Variants in KIF3B observed in about 807,000 individuals in gnomAD.
The protein encoded by KIF3B is kinesin family member 3B.
Under a neutral mutation model 74.3 loss-of-function variants are expected in KIF3B, and 38 were observed. That is an observed-to-expected ratio of 0.51 (90% confidence interval 0.39 to 0.67). The LOEUF is 0.67. Among genes scored for constraint, KIF3B ranks in the 30% least tolerant of loss-of-function variants. KIF3B has a pLI of 0.00. For missense variants in KIF3B, 649 were observed against 932.0 expected, an observed-to-expected ratio of 0.70 and a Z score of 3.95; for synonymous variants, 326 against 342.5, an observed-to-expected ratio of 0.95 and a Z score of 0.53.
At chr20:32,298,015 G>T (rs189944370) in intron 1 of KIF3B, among the ~76,000 whole-genome samples, 7 of 151,872 alleles carry the variant, frequency 4.6e-5, no homozygotes, top group Admixed American at 4.6e-4. Flanking sequence ...GAGGCTAAGC[G>T]GGGAGAATCG....
chr20:32,323,583 T>C (rs55647947), intron 5 of KIF3B, among the ~76,000 whole-genome samples: 52,123 of 151,736 alleles, frequency 0.34, 10,235 homozygotes, highest in East Asian at 0.74. Context: ...TTTTTATTTT[T>C]AAAAATATTT....
chr20:32,309,093 T>C (rs569233215), intron 1 of KIF3B, among the ~76,000 whole-genome samples: 1 of 152,040 alleles, frequency 6.6e-6, no homozygotes, highest in African/African-American at 2.4e-5. Flanking sequence ...TGCGGCTTAC[T>C]GTACCCTCAA....
chr20:32,301,285 A>G (rs1459097680), intron 1 of KIF3B, among the ~76,000 whole-genome samples: 1 of 151,454 alleles, frequency 6.6e-6, no homozygotes, highest in Middle Eastern at 3.2e-3. Flanking sequence ...ACGAGGTCTC[A>G]AACTCCTGAC....
chr20:32,319,500 G>GTA (rs2047846435), intron 5 of KIF3B, among the ~76,000 whole-genome samples: 1 of 137,338 alleles, frequency 7.3e-6, no homozygotes, highest in Non-Finnish European at 1.5e-5. Context: ...TATATATTTC[G>GTA]TATATATATG....
intron 1 of KIF3B, among the ~76,000 whole-genome samples, chr20:32,285,766 G>A (rs1364753257): frequency 6.6e-6 from 1 of 152,158 alleles, no homozygotes; most frequent in Non-Finnish European, 1.5e-5. Flanking sequence ...CTTTCTTGGT[G>A]ACTTCATACT....
At chr20:32,321,709 T>A (rs2047860697) in intron 5 of KIF3B, among the ~76,000 whole-genome samples, 1 of 152,180 alleles carries the variant, frequency 6.6e-6, no homozygotes, top group African/African-American at 2.4e-5. Context: ...GATATTACAT[T>A]TTCTACAAAT....
chr20:32,281,409 C>T (rs1327782229), intron 1 of KIF3B, among the ~76,000 whole-genome samples: 1 of 152,188 alleles, frequency 6.6e-6, no homozygotes, highest in South Asian at 2.1e-4. Context: ...TCTGTTTTAG[C>T]CTGGAGATAT....
intron 1 of KIF3B, among the ~76,000 whole-genome samples, chr20:32,288,177 G>C (rs2047675844): frequency 6.6e-6 from 1 of 151,808 alleles, no homozygotes; most frequent in African/African-American, 2.4e-5. Context: ...CACCGTGCCT[G>C]GCCTAAAAGT....
In KIF3B at chr20:32,310,180, A is replaced by G; in HGVS notation, c.403A>G (p.Asn135Asp). ...CTTCACCCACATCTCTCGATCCCAG[A>G]ATCAACAATACCTGGTCAGGGCTTC... is the stretch of plus-strand genomic sequence containing the variant. ...HIFTHISRSQNQQYLVRASYL... is the reference protein window; with the variant it reads ...HIFTHISRSQDQQYLVRASYL... The change falls in exon 2 of 9, where the codon AAT (asparagine) becomes GAT (aspartate). Residue 135 changes from asparagine to aspartate, a missense_variant. Asn to Asp is a conservative substitution (Grantham distance 23, BLOSUM62 1). Around this residue, in one of 4 missense-constraint regions of KIF3B, gnomAD observed 363 missense variants for 592.8 expected, o/e 0.61. Coordinates refer to ENST00000375712, the MANE Select transcript of KIF3B (RefSeq NM_004798.4). This position sits in a 1 kb window ranked among gnomAD's most constrained non-coding sequence, Gnocchi z 6.5. 3.7e-6 allele frequency: 6 copies of G among 1,613,278 alleles called. No individual in the cohort carries two copies. Among genetic ancestry groups the G allele is most frequent in the Non-Finnish European group, 5.1e-6 (6 of 1,179,274 alleles).
intron 1 of KIF3B, among the ~76,000 whole-genome samples, chr20:32,304,291 T>C (rs901492572): frequency 6.6e-6 from 1 of 152,242 alleles, no homozygotes; most frequent in Non-Finnish European, 1.5e-5. Flanking sequence ...ACAGCATATA[T>C]GCCCAAGTGG....
chr20:32,287,313 A>T (rs1416540493), intron 1 of KIF3B, among the ~76,000 whole-genome samples: 1 of 147,716 alleles, frequency 6.8e-6, no homozygotes, highest in Non-Finnish European at 1.5e-5. Context: ...ACCAGGCCCA[A>T]TCTATTTTTT....
At chr20:32,297,448 A>G (rs2047722012) in intron 1 of KIF3B, among the ~76,000 whole-genome samples, 1 of 152,314 alleles carries the variant, frequency 6.6e-6, no homozygotes. Flanking sequence ...GTTGACCACT[A>G]TTGATGTTTT....
In KIF3B at chr20:32,326,917, A is replaced by T. The variant is rs2047906750; in HGVS notation, c.1862+33A>T. ...ACTATTAACTTCAAGTATATTTTCA[A>T]GTATGAGGGAGGAAAAGAATGTTGA... On this transcript the variant is annotated intron_variant, in intron 6 of 8. Coordinates refer to ENST00000375712, the MANE Select transcript of KIF3B (RefSeq NM_004798.4). The T allele has an allele frequency of 3.0e-6, 3 of 999,710 alleles. No individual in the cohort carries two copies. In the Admixed American group the frequency reaches 6.5e-5, roughly 22 times the overall value. 61.9% of individuals were successfully genotyped at this position (999,710 alleles called of 1,614,324 possible).
intron 1 of KIF3B, among the ~76,000 whole-genome samples, chr20:32,299,387 A>G (rs1477534375): frequency 1.6e-4 from 5 of 32,254 alleles, no homozygotes; most frequent in African/African-American, 1.0e-3. Context: ...GTGTATATAT[A>G]TATATATATA....
chr20:32,288,165 G>A (rs1309559731), intron 1 of KIF3B, among the ~76,000 whole-genome samples: 2 of 151,882 alleles, frequency 1.3e-5, no homozygotes, highest in African/African-American at 4.8e-5. Flanking sequence ...ACAGGCGTGA[G>A]CCACCGTGCC....
chr20:32,319,582 GTT>G (rs34028388), intron 5 of KIF3B, among the ~76,000 whole-genome samples: 46 of 92,032 alleles, frequency 5.0e-4, no homozygotes, highest in Middle Eastern at 9.1e-3. Context: ...TTTTGTTTTT[GTT>G]TTTTTTTTTT....
chr20:32,310,554 G>A lies in KIF3B; in HGVS notation c.777G>A (p.Gly259=), dbSNP rs1217997741. 13 of 1,614,100 alleles carry A rather than the reference G, an allele frequency of 8.1e-6. No homozygotes were observed. The highest frequency in any genetic ancestry group is 6.7e-5 in the East Asian group (3 of 44,890). ...GGCAAGCCAAGACCGGCGCACAAGG[G>A]GAGAGATTAAAAGAAGCTACCAAGA... ...SERQAKTGAQ[G]ERLKEATKIN... The change falls in exon 2 of 9, where the codon GGG becomes GGA. Residue 259 remains glycine, a synonymous_variant. Coordinates refer to ENST00000375712, the MANE Select transcript of KIF3B (RefSeq NM_004798.4). This position sits in a 1 kb window ranked among gnomAD's most constrained non-coding sequence, Gnocchi z 6.5.
rs1450534988 is a variant in KIF3B at position 32,331,979 on chromosome 20, G to C, written c.*660G>C. 1 of 152,706 alleles carries C rather than the reference G, an allele frequency of 6.5e-6. No individual in the cohort carries two copies. Among genetic ancestry groups the C allele is most frequent in the Non-Finnish European group, 1.5e-5 (1 of 68,100 alleles). 9.5% of individuals were successfully genotyped at this position (152,706 alleles called of 1,614,324 possible). A position where few individuals can be genotyped will look rare whatever the true frequency, so the allele number is the denominator to read the frequency against. On this transcript the variant is annotated 3_prime_UTR_variant, in exon 9 of 9. Transcript: ENST00000375712. ...GCTTCTGAATGATTCAATGTTGGGA[G>C]CAATAGAAATAACATTCCCTTTGCC...
chr20:32,322,269 T>A (rs2047863951), intron 5 of KIF3B, among the ~76,000 whole-genome samples: 1 of 152,066 alleles, frequency 6.6e-6, no homozygotes, highest in Non-Finnish European at 1.5e-5. Context: ...CTATGGTATA[T>A]GACATTGTTT....
Sources: gnomAD v4.1 joint callset for allele counts (sites outside exome capture counted in the v4.1 genomes callset) on GRCh38, gnomAD v4.1.1 for gene constraint, gnomAD v4.1.1 regional missense constraint, Gnocchi (gnomAD v3.1) non-coding constraint, MANE v1.5 for transcripts, NCBI Gene and HGNC (gene_info 2026-07-23, HGNC 2026-07-21) for gene names.